GRIK1: variants seen among roughly 807,000 people sequenced by gnomAD.
The protein encoded by GRIK1 is glutamate ionotropic receptor kainate type subunit 1.
GRIK1 carries 69 observed loss-of-function variants against 105.7 expected under a neutral mutation model. The observed-to-expected ratio is 0.65, with a 90% confidence interval of 0.54 to 0.80. The LOEUF (loss-of-function observed/expected upper bound fraction) is 0.80. GRIK1 is among the 30% of genes least tolerant of loss of function. The pLI is 0.00. For synonymous variants in GRIK1, 438 were observed against 431.3 expected (o/e 1.02, Z -0.19); for missense variants, 1,109 against 1,167.3 (o/e 0.95, Z 0.73).
chr21:29,892,385 G>C (rs2069935008), intron 1 of GRIK1, among the ~76,000 whole-genome samples: 1 of 152,252 alleles, frequency 6.6e-6, no homozygotes, highest in Non-Finnish European at 1.5e-5. Flanking sequence ...CAGGCAGTGA[G>C]GAGATGTTTC....
At chr21:29,638,570 A>G (rs1256918004) in intron 7 of GRIK1, among the ~76,000 whole-genome samples, 1 of 152,248 alleles carries the variant, frequency 6.6e-6, no homozygotes, top group Non-Finnish European at 1.5e-5. Flanking sequence ...TTGTGATGTT[A>G]GAATATTAAA....
intron 1 of GRIK1, among the ~76,000 whole-genome samples, chr21:29,900,189 T>G (rs1420334827): frequency 1.3e-5 from 2 of 151,542 alleles, no homozygotes; most frequent in Admixed American, 1.3e-4. Flanking sequence ...TGCCAAATTG[T>G]AAAGACCATC....
rs530007805 is a variant in GRIK1 at position 29,873,507 on chromosome 21, G to A, written c.118+65876C>T. Reference sequence around the variant, plus strand: ...AAATCAACCACATAGAGCTGTGAGGGTTAAATATTATAATGTGTGTAGTGC... The same window carrying A: ...AAATCAACCACATAGAGCTGTGAGGATTAAATATTATAATGTGTGTAGTGC... On this transcript the variant is annotated intron_variant, in intron 1 of 17. Transcript: ENST00000327783. Among the ~76,000 whole-genome samples the A allele has an allele frequency of 2.4e-4, 36 of 152,160 alleles. 1 individual carries two copies. The highest frequency in any genetic ancestry group is 2.9e-4 in the Non-Finnish European group (20 of 68,022).
chr21:29,570,118 C>T (rs1417572034), intron 14 of GRIK1, among the ~76,000 whole-genome samples: 1 of 152,092 alleles, frequency 6.6e-6, no homozygotes, highest in Admixed American at 6.5e-5. Flanking sequence ...CAAATAATTT[C>T]ATCAGCAGAG....
intron 1 of GRIK1, among the ~76,000 whole-genome samples, chr21:29,743,011 C>T (rs112369945): frequency 1.2e-3 from 179 of 150,312 alleles, no homozygotes; most frequent in South Asian, 6.3e-3. Context: ...GATGGTTTCA[C>T]GCTGGATGGG....
chr21:29,804,827 T>C (rs1457144468), intron 1 of GRIK1, among the ~76,000 whole-genome samples: 1 of 152,184 alleles, frequency 6.6e-6, no homozygotes, highest in African/African-American at 2.4e-5. Flanking sequence ...AAAATACTAA[T>C]AGCAAACTTG....
intron 16 of GRIK1, among the ~76,000 whole-genome samples, chr21:29,546,799 A>G (rs568234318): frequency 1.3e-5 from 2 of 152,352 alleles, no homozygotes; most frequent in East Asian, 3.9e-4. Flanking sequence ...TCTCTGTGCT[A>G]CAAATCTGCA....
intron 14 of GRIK1, among the ~76,000 whole-genome samples, chr21:29,572,569 A>G (rs56124989): frequency 0.056 from 8,465 of 152,064 alleles, 405 homozygotes; most frequent in African/African-American, 0.13. Context: ...ACTCTTTTAG[A>G]TTCTGGTGAC....
At chr21:29,936,093 A>G (rs1669425138) in intron 1 of GRIK1, among the ~76,000 whole-genome samples, 1 of 152,136 alleles carries the variant, frequency 6.6e-6, no homozygotes, top group Non-Finnish European at 1.5e-5. Flanking sequence ...AGACTAAATA[A>G]CCCTCACTCA....
At chr21:29,563,358 C>T (rs1601125949) in intron 14 of GRIK1, among the ~76,000 whole-genome samples, 1 of 152,242 alleles carries the variant, frequency 6.6e-6, no homozygotes, top group East Asian at 1.9e-4. Flanking sequence ...GGACAGATGG[C>T]TTTATTTCAG....
chr21:29,608,469 T>C (rs1017193822), intron 7 of GRIK1, among the ~76,000 whole-genome samples: 1 of 152,194 alleles, frequency 6.6e-6, no homozygotes, highest in African/African-American at 2.4e-5. Flanking sequence ...CCAGCTTTAA[T>C]TGGTTCATTA....
At chr21:29,749,744 A>G (rs983694064) in intron 1 of GRIK1, among the ~76,000 whole-genome samples, 2 of 152,238 alleles carry the variant, frequency 1.3e-5, no homozygotes, top group African/African-American at 4.8e-5. Flanking sequence ...CATATTTTAA[A>G]GTCAGAAGAA....
chr21:29,706,396 C>A (rs1212198884), intron 1 of GRIK1, among the ~76,000 whole-genome samples: 1 of 152,188 alleles, frequency 6.6e-6, no homozygotes, highest in Non-Finnish European at 1.5e-5. Flanking sequence ...TTTACCACGA[C>A]ACTTTTCCTT....
chr21:29,622,530 G>A (rs183304884), intron 7 of GRIK1, among the ~76,000 whole-genome samples: 5 of 152,318 alleles, frequency 3.3e-5, no homozygotes, highest in Admixed American at 1.3e-4. Context: ...TGGTCTACAA[G>A]AGCCTGCTGG....
intron 1 of GRIK1, among the ~76,000 whole-genome samples, chr21:29,775,682 ATGGTGATCAGTT>A (rs1210391240): frequency 6.6e-6 from 1 of 152,164 alleles, no homozygotes; most frequent in African/African-American, 2.4e-5. Flanking sequence ...TGCTGTTACC[ATGGTGATCAGTT>A]GCTCTCTACT....
chr21:29,850,117 G>C (rs1256555345), intron 1 of GRIK1, among the ~76,000 whole-genome samples: 3 of 152,126 alleles, frequency 2.0e-5, no homozygotes, highest in African/African-American at 7.2e-5. Context: ...CTTTCAGAAG[G>C]ATCATGATAT....
intron 1 of GRIK1, among the ~76,000 whole-genome samples, chr21:29,865,939 A>G (rs906945925): frequency 2.6e-5 from 4 of 152,238 alleles, no homozygotes; most frequent in Non-Finnish European, 5.9e-5. Context: ...CTTGTTAGAT[A>G]AAGCACAGAA....
chr21:29,847,367 G>A (rs377077157), intron 1 of GRIK1, among the ~76,000 whole-genome samples: 21 of 152,186 alleles, frequency 1.4e-4, no homozygotes, highest in East Asian at 1.9e-4. Context: ...AGGCCCAGGC[G>A]GGTGGATCAC....
intron 1 of GRIK1, among the ~76,000 whole-genome samples, chr21:29,794,380 G>T (rs1025881314): frequency 2.0e-5 from 3 of 152,194 alleles, no homozygotes; most frequent in African/African-American, 7.2e-5. Context: ...ATCTGTACAT[G>T]TCACTGTGTT....
Sources: gnomAD v4.1 joint callset for allele counts (sites outside exome capture counted in the v4.1 genomes callset) on GRCh38, gnomAD v4.1.1 for gene constraint, MANE v1.5 for transcripts, NCBI Gene and HGNC (gene_info 2026-07-23, HGNC 2026-07-21) for gene names.